Variants in RIMS2 observed in about 807,000 individuals in gnomAD.
RIMS2 encodes the protein regulating synaptic membrane exocytosis 2.
In RIMS2, 59 loss-of-function variants were observed where a neutral mutation model predicts 174.4. That is an observed-to-expected ratio of 0.34 (90% CI 0.27 to 0.42). The LOEUF (loss-of-function observed/expected upper bound fraction) is 0.42, where lower values mean the gene tolerates loss of function less well. RIMS2 is among the 10% of genes least tolerant of loss of function. The pLI, the probability that RIMS2 is intolerant of heterozygous loss-of-function variation, is 1.00. For synonymous variants in RIMS2, 606 were observed against 572.5 expected, an observed-to-expected ratio of 1.06 and a Z score of -0.84; for missense variants, 1,620 against 1,666.3, an observed-to-expected ratio of 0.97 and a Z score of 0.48.
chr8:103,842,198 C>A (rs1159142828), intron 3 of RIMS2, among the ~76,000 whole-genome samples: 2 of 151,994 alleles, frequency 1.3e-5, no homozygotes, highest in Non-Finnish European at 1.5e-5. Context: ...CTTATAATTT[C>A]AGTTATTTTA....
At chr8:104,203,107 A>T (rs1247121325) in intron 19 of RIMS2, among the ~76,000 whole-genome samples, 3 of 152,232 alleles carry the variant, frequency 2.0e-5, no homozygotes, top group Non-Finnish European at 1.5e-5. Context: ...CCAGCCCCGC[A>T]AATATAAAAT....
At chr8:104,105,540 A>G (rs1005383973) in intron 19 of RIMS2, among the ~76,000 whole-genome samples, 1 of 152,068 alleles carries the variant, frequency 6.6e-6, no homozygotes, top group Admixed American at 6.5e-5. Context: ...ATCTCTCTTC[A>G]TTGATATGAA....
At chr8:104,204,851 C>T (rs1421265948) in intron 19 of RIMS2, among the ~76,000 whole-genome samples, 1 of 152,086 alleles carries the variant, frequency 6.6e-6, no homozygotes, top group Non-Finnish European at 1.5e-5. Flanking sequence ...TTTTAACAGT[C>T]CCTGAAATTT....
intron 19 of RIMS2, among the ~76,000 whole-genome samples, chr8:104,060,803 A>T (rs2096970275): frequency 6.6e-6 from 1 of 152,068 alleles, no homozygotes; most frequent in Non-Finnish European, 1.5e-5. Context: ...GAACATCTTT[A>T]TTTCTGCCTT....
chr8:104,057,026 C>T (rs1459876263), intron 19 of RIMS2, among the ~76,000 whole-genome samples: 1 of 151,818 alleles, frequency 6.6e-6, no homozygotes, highest in Non-Finnish European at 1.5e-5. Flanking sequence ...TAATCTTCCC[C>T]TATGGACCAA....
chr8:103,803,327 G>A (rs1321123845), intron 3 of RIMS2, among the ~76,000 whole-genome samples: 2 of 152,092 alleles, frequency 1.3e-5, no homozygotes, highest in South Asian at 2.1e-4. Flanking sequence ...TGTGTCAAAT[G>A]TAAGACGTAA....
intron 1 of RIMS2, among the ~76,000 whole-genome samples, chr8:103,603,332 A>G (rs1187994932): frequency 1.3e-5 from 2 of 151,526 alleles, no homozygotes; most frequent in Non-Finnish European, 2.9e-5. Context: ...TGAACTCATC[A>G]TGTTTTATGG....
At chr8:103,797,633 T>C (rs1170964177) in intron 3 of RIMS2, among the ~76,000 whole-genome samples, 2 of 152,216 alleles carry the variant, frequency 1.3e-5, no homozygotes, top group African/African-American at 4.8e-5. Flanking sequence ...AAACTACTTG[T>C]TGCTACATAT....
At chr8:104,195,413 G>A (rs2099019069) in intron 19 of RIMS2, among the ~76,000 whole-genome samples, 1 of 151,998 alleles carries the variant, frequency 6.6e-6, no homozygotes, top group Non-Finnish European at 1.5e-5. Flanking sequence ...ATATTTTGAG[G>A]TTTTGATACC....
intron 17 of RIMS2, among the ~76,000 whole-genome samples, chr8:103,995,195 T>C (rs2095004274): frequency 6.6e-6 from 1 of 152,160 alleles, no homozygotes; most frequent in Admixed American, 6.5e-5. Context: ...GTGAAAACAG[T>C]ATAATTTTGA....
chr8:104,156,340 C>G (rs562457167), intron 19 of RIMS2, among the ~76,000 whole-genome samples: 1 of 152,130 alleles, frequency 6.6e-6, no homozygotes, highest in Non-Finnish European at 1.5e-5. Context: ...AACATCACTT[C>G]TGCTTCTATT....
intron 1 of RIMS2, among the ~76,000 whole-genome samples, chr8:103,597,744 C>T (rs1332444873): frequency 1.3e-5 from 2 of 151,728 alleles, no homozygotes; most frequent in Admixed American, 6.6e-5. Context: ...TTTTTATTCA[C>T]CTGCTATCTG....
intron 11 of RIMS2, among the ~76,000 whole-genome samples, chr8:103,930,253 G>A (rs17817071): frequency 0.13 from 19,302 of 151,774 alleles, 1,699 homozygotes; most frequent in Non-Finnish European, 0.19. Flanking sequence ...AAAGTTGCTC[G>A]GTGTCTCATA....
intron 19 of RIMS2, among the ~76,000 whole-genome samples, chr8:104,143,079 T>C (rs1246050307): frequency 6.6e-6 from 1 of 152,218 alleles, no homozygotes; most frequent in Non-Finnish European, 1.5e-5. Context: ...AAAACCAAGT[T>C]CTTATGCAGC....
rs2096867736 is a variant in RIMS2 at position 104,056,292 on chromosome 8, TACTC to T, written c.3334+41679_3334+41682del. Among the ~76,000 whole-genome samples the T allele has an allele frequency of 2.0e-5, 3 of 151,988 alleles. No individual in the cohort carries two copies. In the South Asian group the frequency reaches 6.2e-4, roughly 32 times the overall value. ...GGTGGCTCGTGTCTGTAGTCCCACT[TACTC>T]AGGAGGCTGAGGCAGGAGAATCGCT... On this transcript the variant is annotated intron_variant, in intron 19 of 23. Coordinates refer to ENST00000504942, the Ensembl canonical transcript of RIMS2.
chr8:103,939,002 A>G (rs754629811), intron 13 of RIMS2, among the ~76,000 whole-genome samples: 4 of 152,062 alleles, frequency 2.6e-5, no homozygotes, highest in Non-Finnish European at 4.4e-5. Context: ...GGCTGCTTTC[A>G]TGGGCTGGCG....
intron 2 of RIMS2, among the ~76,000 whole-genome samples, chr8:103,753,274 A>G (rs1165821621): frequency 6.6e-6 from 1 of 152,194 alleles, no homozygotes; most frequent in Non-Finnish European, 1.5e-5. Flanking sequence ...CTCGCATCCC[A>G]GGGATGAAGT....
chr8:104,084,450 A>C (rs987890169), intron 19 of RIMS2, among the ~76,000 whole-genome samples: 4 of 151,408 alleles, frequency 2.6e-5, no homozygotes, highest in Non-Finnish European at 5.9e-5. Flanking sequence ...AAAAAAAAAA[A>C]AAAAAACTAA....
chr8:103,635,288 A>G (rs568046308), intron 1 of RIMS2, among the ~76,000 whole-genome samples: 158 of 152,292 alleles, frequency 1.0e-3, no homozygotes, highest in Non-Finnish European at 1.8e-3. Flanking sequence ...ACATTTTCTT[A>G]TCTGAAAAGA....
Sources: gnomAD v4.1 joint callset for allele counts (sites outside exome capture counted in the v4.1 genomes callset) on GRCh38, gnomAD v4.1.1 for gene constraint, MANE v1.5 for transcripts, NCBI Gene and HGNC (gene_info 2026-07-23, HGNC 2026-07-21) for gene names.